Variants in COL17A1 observed in about 807,000 individuals in gnomAD.
COL17A1 encodes the protein collagen type XVII alpha 1 chain.
A neutral mutation model predicts 218.4 loss-of-function variants in COL17A1; 181 were observed. The ratio of observed to expected loss-of-function variants is 0.83; its 90% CI spans 0.73 to 0.94. The LOEUF is 0.94. COL17A1 is among the 40% of genes least tolerant of loss of function. COL17A1 has a pLI of 0.00. For synonymous variants in COL17A1, 721 were observed against 731.0 expected, an observed-to-expected ratio of 0.99 and a Z score of 0.22; for missense variants, 1,924 against 1,945.9, an observed-to-expected ratio of 0.99 and a Z score of 0.21.
At chr10:104,038,383 G>A (rs375169009) in intron 45 of COL17A1, 23 bp downstream of exon 45, 26 of 1,613,242 alleles carry the variant, frequency 1.6e-5, no homozygotes, top group African/African-American at 2.7e-5. Flanking sequence ...TGTCCCCACG[G>A]CTTGCGGCGG....
chr10:104,060,832 T>C (rs925030479), intron 13 of COL17A1, among the ~76,000 whole-genome samples: 2 of 152,248 alleles, frequency 1.3e-5, no homozygotes, highest in Non-Finnish European at 2.9e-5. Context: ...ATCAGCTTAG[T>C]GAAGGCAGGA....
Position 104,072,085 on chromosome 10 carries a change from C to T in COL17A1, c.416-6G>A. 6.2e-7 allele frequency: 1 copy of T among 1,614,076 alleles called. No homozygotes were observed. The highest frequency in any genetic ancestry group is 8.5e-7 in the Non-Finnish European group (1 of 1,180,012). On this transcript the variant is annotated splice_polypyrimidine_tract_variant and splice_region_variant and intron_variant, in intron 7 of 55. Coordinates refer to ENST00000648076, the MANE Select transcript of COL17A1 (RefSeq NM_000494.4). ...TCGAACTCGAATTTCACTCTCTGTA[C>T]AAGGGAAGAGATAGAGAAGGGTGTG... is the stretch of plus-strand genomic sequence containing the variant.
chr10:104,035,302 A>T lies in COL17A1; in HGVS notation c.3580T>A (p.Ser1194Thr). The part of the protein sequence containing the change: ...GPPGIPGNVW[S>T]SISVEDLSSY... The stretch of plus-strand genomic sequence containing the variant: ...GAGAGGTCCTCCACGCTGATGCTGG[A>T]CCACACATTGCCTGGGATCCCTGGT... Residue 1194 changes from serine (S) to threonine (T), a missense_variant, in exon 50 of 56, where the codon TCC (serine) becomes ACC (threonine). Coordinates refer to ENST00000648076, the MANE Select transcript of COL17A1 (RefSeq NM_000494.4). 2.5e-6 allele frequency: 4 copies of T among 1,614,194 alleles called. No individual in the cohort carries two copies. The highest frequency in any genetic ancestry group is 3.4e-6 in the Non-Finnish European group (4 of 1,180,028).
At chr10:104,037,260 A>G in intron 46 of COL17A1, 147 bp from the exon 47 acceptor site, 6 of 779,694 alleles carry the variant, frequency 7.7e-6, no homozygotes, top group Non-Finnish European at 1.1e-5. Flanking sequence ...TTTTGAAAGC[A>G]TAACAAAGTC....
At position 104,034,200 on chromosome 10, in the gene COL17A1, CAGAT is replaced by C. The variant is rs1454450765; in HGVS notation, c.3897_3900del (p.Val1301GlyfsTer10). ...GAGCTGTAGGAGCTGCCCCGCCTGA[CAGAT>C]GAGCTGTGTGAGGAGGAGCTGCTAC... is the stretch of plus-strand genomic sequence containing the variant. On this transcript the variant is annotated frameshift_variant, in exon 52 of 56. Transcript: ENST00000648076. LOFTEE classifies it high-confidence loss of function. 6.2e-7 allele frequency: 1 copy of C among 1,613,124 alleles called. No homozygotes were observed. The highest frequency in any genetic ancestry group is 8.5e-7 in the Non-Finnish European group (1 of 1,179,970).
intron 29 of COL17A1, among the ~76,000 whole-genome samples, chr10:104,048,652 T>C (rs1246916609): frequency 6.6e-6 from 1 of 152,206 alleles, no homozygotes; most frequent in Non-Finnish European, 1.5e-5. Context: ...CAGCACTCTG[T>C]ACCTTGCGTG....
intron 9 of COL17A1, among the ~76,000 whole-genome samples, chr10:104,068,782 T>C (rs1038673390): frequency 6.6e-6 from 1 of 152,294 alleles, no homozygotes; most frequent in African/African-American, 2.4e-5. Flanking sequence ...CAAGCTTCCC[T>C]GGAGGAAGAA....
chr10:104,054,084 G>C lies in COL17A1; in HGVS notation c.1771+8C>G. On this transcript the variant is annotated splice_region_variant and intron_variant, in intron 21 of 55. Transcript: ENST00000648076. ...TGGCAGGCCTGGAGGTCATCAGAGA[G>C]TACATACCTGGAGTCCCAGGGAACC... is the stretch of plus-strand genomic sequence containing the variant. The C allele has an allele frequency of 6.2e-7, 1 of 1,612,956 alleles. No homozygotes were observed. Among genetic ancestry groups the C allele is most frequent in the African/African-American group, 1.3e-5 (1 of 75,036 alleles).
chr10:104,043,832 C>T lies in COL17A1; in HGVS notation c.2427G>A (p.Val809=). Reference sequence around the variant, plus strand: ...CCTCTAGGACCTGCCTACCCGAAGTCACGATCTTGCCTGGAGCTCCTGGTT... The same window carrying T: ...CCTCTAGGACCTGCCTACCCGAAGTTACGATCTTGCCTGGAGCTCCTGGTT... ...KGEPGAPGKI[V]TSEGSSMLTV... is the part of the protein sequence containing the mutation. The change falls in exon 34 of 56, where the codon GTG becomes GTA. Residue 809 remains valine, a synonymous_variant. Transcript: ENST00000648076. The T allele has an allele frequency of 6.2e-7, 1 of 1,614,124 alleles. No homozygotes were observed. Among genetic ancestry groups the T allele is most frequent in the Non-Finnish European group, 8.5e-7 (1 of 1,180,028 alleles).
At chr10:104,059,440 A>T (rs805700) in intron 15 of COL17A1, 198 bp downstream of exon 15, 1 of 627,588 alleles carries the variant, frequency 1.6e-6, no homozygotes, top group Non-Finnish European at 2.9e-6. Context: ...CAAATCACCT[A>T]GGAAGCTTGT....
chr10:104,037,430 C>T (rs976979393), intron 46 of COL17A1, among the ~76,000 whole-genome samples: 1 of 152,136 alleles, frequency 6.6e-6, no homozygotes, highest in Non-Finnish European at 1.5e-5. Context: ...AAGGCTCACT[C>T]GGTGTCTCTC....
intron 33 of COL17A1, among the ~76,000 whole-genome samples, chr10:104,045,517 C>G (rs569349046): frequency 5.6e-4 from 85 of 152,140 alleles, no homozygotes; most frequent in African/African-American, 2.0e-3. Flanking sequence ...CTGGAGACAT[C>G]CAAGTATGAA....
chr10:104,052,233 G>A lies in COL17A1; in HGVS notation c.1940-16C>T. The A allele has an allele frequency of 1.2e-6, 2 of 1,614,144 alleles. No homozygotes were observed. Among genetic ancestry groups the A allele is most frequent in the Non-Finnish European group, 1.7e-6 (2 of 1,179,998 alleles). ...CCAGCAGCCCCTGAGGAGAAATGGA[G>A]GGATGAGCACTTTGGGAGAGGCCCC... On this transcript the variant is annotated splice_polypyrimidine_tract_variant and intron_variant, in intron 23 of 55. Transcript: ENST00000648076.
Position 104,036,587 on chromosome 10 carries a change from C to T in COL17A1, c.3323G>A (p.Arg1108Gln). The change falls in exon 48 of 56, where the codon CGG (arginine) becomes CAG (glutamine). Residue 1108 changes from arginine (R) to glutamine (Q), a missense_variant. Physicochemically the swap from Arg to Gln is conservative, Grantham distance 43 (BLOSUM62 1). Coordinates refer to ENST00000648076, the MANE Select transcript of COL17A1 (RefSeq NM_000494.4). ...GGCTCCTGGTGGCCCTGGCGGACCC[C>T]GAGGGCCCATCAAGTACTGACGTAG... Reference protein sequence around the residue: ...QYLRQYLMGPRGPPGPPGASG... With the variant: ...QYLRQYLMGPQGPPGPPGASG... 1.9e-6 allele frequency: 3 copies of T among 1,613,980 alleles called. No homozygotes were observed. Among genetic ancestry groups the T allele is most frequent in the Middle Eastern group, 1.6e-4 (1 of 6,062 alleles).
Position 104,032,943 on chromosome 10 carries a change from A to AG in COL17A1, c.4319dup (p.Gly1441TrpfsTer14), listed in dbSNP as rs1844708156. 6 of 1,613,940 alleles carry AG rather than the reference A, an allele frequency of 3.7e-6. No homozygotes were observed. Among genetic ancestry groups the AG allele is most frequent in the Middle Eastern group, 1.6e-4 (1 of 6,084 alleles). On this transcript the variant is annotated frameshift_variant, in exon 54 of 56. Transcript: ENST00000648076. LOFTEE classifies it high-confidence loss of function. Reference sequence around the variant, plus strand: ...GAGTGCCCATCTCTCCTTTTTGCCCAGGGGGTCCTTGAATGGCTCCATAAG... The same window carrying AG: ...GAGTGCCCATCTCTCCTTTTTGCCCAGGGGGGTCCTTGAATGGCTCCATAAG...
chr10:104,050,044 CA>C, intron 28 of COL17A1, 44 bp downstream of exon 28: 1 of 1,613,728 alleles, frequency 6.2e-7, no homozygotes, highest in Non-Finnish European at 8.5e-7. Context: ...GATGGATTTA[CA>C]AAAGTCGTGG....
chr10:104,055,294 A>C, intron 19 of COL17A1, 78 bp downstream of exon 19: 3 of 1,603,476 alleles, frequency 1.9e-6, no homozygotes, highest in South Asian at 1.1e-5. Context: ...ACAAAGAAAA[A>C]GGCTTCTAAT....
In COL17A1 at chr10:104,055,923, T is replaced by C; in HGVS notation, c.1546A>G (p.Met516Val). The change falls in exon 18 of 56, where the codon ATG becomes GTG. Residue 516 changes from methionine to valine, a missense_variant. By Grantham distance (21) the Met-to-Val change is conservative (BLOSUM62 1). Coordinates refer to ENST00000648076, the MANE Select transcript of COL17A1 (RefSeq NM_000494.4). ...RRSILPYGDS[M>V]DRIEKDRLQG... ...AGGCGGTCCTTTTCTATTCTATCCA[T>C]GCTGTCCCCATAGGGCAGTATGCTC... The C allele has an allele frequency of 6.2e-7, 1 of 1,614,190 alleles. No homozygotes were observed. Among genetic ancestry groups the C allele is most frequent in the Non-Finnish European group, 8.5e-7 (1 of 1,180,034 alleles).
intron 50 of COL17A1, 115 bp downstream of exon 50, chr10:104,035,148 A>G: frequency 3.3e-6 from 3 of 920,288 alleles, no homozygotes; most frequent in Middle Eastern, 3.1e-4. Context: ...AGGGCCCTGC[A>G]CCCAGCACTG....
Sources: gnomAD v4.1 joint callset for allele counts (sites outside exome capture counted in the v4.1 genomes callset) on GRCh38, gnomAD v4.1.1 for gene constraint, MANE v1.5 for transcripts, NCBI Gene and HGNC (gene_info 2026-07-23, HGNC 2026-07-21) for gene names.